VAV3: variants seen among roughly 807,000 people sequenced by gnomAD.
The protein encoded by VAV3 is guanine nucleotide exchange factor VAV3.
In VAV3, 94 loss-of-function variants were observed where a neutral mutation model predicts 131.2. The observed-to-expected ratio is 0.72, with a 90% CI of 0.61 to 0.85. The LOEUF (loss-of-function observed/expected upper bound fraction) is 0.85, where lower values mean the gene tolerates loss of function less well. Ranked by LOEUF, VAV3 falls within the 40% of genes least tolerant of loss-of-function variation. The pLI is 0.00. For synonymous variants in VAV3, 349 were observed against 342.0 expected (o/e 1.02, Z -0.22); for missense variants, 939 against 1,002.7 (o/e 0.94, Z 0.86).
chr1:107,706,815 C>G (rs1485130834), intron 15 of VAV3, among the ~76,000 whole-genome samples: 2 of 152,108 alleles, frequency 1.3e-5, no homozygotes, highest in African/African-American at 4.8e-5. Flanking sequence ...ATTCATCAAC[C>G]TGGAGTTTTC....
intron 1 of VAV3, among the ~76,000 whole-genome samples, chr1:107,877,899 T>C (rs1670581112): frequency 6.6e-6 from 1 of 152,164 alleles, no homozygotes; most frequent in South Asian, 2.1e-4. Context: ...CTTCACTCAA[T>C]GCTCACAAGT....
At chr1:107,793,541 T>TCTG (rs1666400737) in intron 2 of VAV3, among the ~76,000 whole-genome samples, 1 of 152,162 alleles carries the variant, frequency 6.6e-6, no homozygotes, top group African/African-American at 2.4e-5. Context: ...AGATGCTCAG[T>TCTG]AACTACATCT....
chr1:107,746,685 A>G (rs1004989665), intron 15 of VAV3, among the ~76,000 whole-genome samples: 5 of 152,168 alleles, frequency 3.3e-5, no homozygotes, highest in Admixed American at 6.5e-5. Context: ...GTGCGGCCAC[A>G]TGACTATACG....
chr1:107,617,674 C>T, intron 20 of VAV3, 42 bp from the exon 21 acceptor site: 1 of 1,579,714 alleles, frequency 6.3e-7, no homozygotes, highest in Non-Finnish European at 8.7e-7. Flanking sequence ...AACAAATTTA[C>T]CACAAATGAT....
chr1:107,697,145 T>A (rs538204216), intron 17 of VAV3, among the ~76,000 whole-genome samples: 53 of 152,298 alleles, frequency 3.5e-4, no homozygotes, highest in African/African-American at 1.3e-3. Flanking sequence ...GAGGAGAAGA[T>A]GCCATGGCTT....
intron 15 of VAV3, among the ~76,000 whole-genome samples, chr1:107,718,143 G>T (rs1570815458): frequency 6.6e-6 from 1 of 152,026 alleles, no homozygotes; most frequent in Non-Finnish European, 1.5e-5. Context: ...TTGAAAACTG[G>T]CACAAGACAG....
intron 20 of VAV3, among the ~76,000 whole-genome samples, chr1:107,637,077 C>T (rs1297711198): frequency 6.6e-6 from 1 of 151,954 alleles, no homozygotes; most frequent in African/African-American, 2.4e-5. Context: ...AAATGCATAC[C>T]TATCTAGTCG....
intron 17 of VAV3, among the ~76,000 whole-genome samples, chr1:107,694,162 C>T (rs1371667710): frequency 6.6e-6 from 1 of 152,198 alleles, no homozygotes; most frequent in Non-Finnish European, 1.5e-5. Context: ...TTGGCAAATG[C>T]ATAAAGCCTA....
intron 4 of VAV3, among the ~76,000 whole-genome samples, chr1:107,774,724 G>C (rs1295751084): frequency 2.0e-5 from 3 of 152,072 alleles, no homozygotes; most frequent in African/African-American, 7.2e-5. Context: ...CCCCAACTTA[G>C]GAAACAATGA....
intron 2 of VAV3, among the ~76,000 whole-genome samples, chr1:107,830,487 C>T (rs1291423461): frequency 2.6e-5 from 4 of 152,076 alleles, no homozygotes; most frequent in African/African-American, 7.2e-5. Flanking sequence ...TGAGAGACAA[C>T]TTATCACAAA....
intron 1 of VAV3, among the ~76,000 whole-genome samples, chr1:107,907,960 A>G (rs1672183502): frequency 6.6e-6 from 1 of 152,234 alleles, no homozygotes; most frequent in Non-Finnish European, 1.5e-5. Flanking sequence ...CAAACAGCAT[A>G]TATCTAGCTA....
chr1:107,733,247 A>G (rs993843419), intron 15 of VAV3, among the ~76,000 whole-genome samples: 1 of 152,224 alleles, frequency 6.6e-6, no homozygotes, highest in African/African-American at 2.4e-5. Context: ...CCATCATCAA[A>G]GACCAAAGGT....
At chr1:107,747,640 C>G (rs1247352774) in intron 15 of VAV3, among the ~76,000 whole-genome samples, 1 of 152,100 alleles carries the variant, frequency 6.6e-6, no homozygotes, top group African/African-American at 2.4e-5. Context: ...TACTATTTGG[C>G]TAGCTCTCTG....
At chr1:107,775,303 G>A (rs1475830437) in intron 4 of VAV3, among the ~76,000 whole-genome samples, 1 of 151,982 alleles carries the variant, frequency 6.6e-6, no homozygotes, top group Non-Finnish European at 1.5e-5. Context: ...AATATCGACT[G>A]GGCACAGTGG....
rs114304386 is a variant in VAV3, at chr1:107,693,950, C to G, written c.1706-5544G>C. On this transcript the variant is annotated intron_variant, in intron 17 of 26. Transcript: ENST00000370056. Reference sequence around the variant, plus strand: ...CACTGCTTACTTCCAGGCTATGGGTCTGTAAGTCAGCAACCCTAGAACCCA... The same window carrying G: ...CACTGCTTACTTCCAGGCTATGGGTGTGTAAGTCAGCAACCCTAGAACCCA... 7.4e-3 allele frequency among the ~76,000 whole-genome samples: 1,121 copies of G among 152,196 alleles called. 13 individuals are homozygous for G. Among genetic ancestry groups the G allele is most frequent in the African/African-American group, 0.026 (1,083 of 41,532 alleles).
At chr1:107,914,864 C>T (rs1557920616) in intron 1 of VAV3, among the ~76,000 whole-genome samples, 1 of 152,206 alleles carries the variant, frequency 6.6e-6, no homozygotes, top group Non-Finnish European at 1.5e-5. Context: ...GGAACAAAAC[C>T]AGCACACATA....
chr1:107,928,975 T>G (rs538975648), intron 1 of VAV3, among the ~76,000 whole-genome samples: 1 of 147,482 alleles, frequency 6.8e-6, no homozygotes, highest in South Asian at 2.2e-4. Flanking sequence ...CTCCCAAAAA[T>G]CAAAGATAAA....
intron 15 of VAV3, among the ~76,000 whole-genome samples, chr1:107,706,487 C>T (rs1232757813): frequency 2.0e-5 from 3 of 152,150 alleles, no homozygotes; most frequent in Non-Finnish European, 2.9e-5. Flanking sequence ...GGTGACCTCA[C>T]TTTTTCGGAA....
At chr1:107,795,890 A>C (rs1482099976) in intron 2 of VAV3, among the ~76,000 whole-genome samples, 1 of 152,132 alleles carries the variant, frequency 6.6e-6, no homozygotes, top group Non-Finnish European at 1.5e-5. Flanking sequence ...AAAGTAATGG[A>C]CCGAAAGATA....
Sources: allele counts gnomAD v4.1 joint callset (sites outside exome capture counted in the v4.1 genomes callset), GRCh38; gene constraint gnomAD v4.1.1; transcripts MANE v1.5; gene names NCBI Gene and HGNC (gene_info 2026-07-23, HGNC 2026-07-21).